Variants in MSL3 observed in about 807,000 individuals in gnomAD.
MSL3 encodes the protein MSL3-like 1.
Under a neutral mutation model 37.2 loss-of-function variants are expected in MSL3, and 5 were observed. The ratio of observed to expected loss-of-function variants is 0.13; its 90% CI spans 0.07 to 0.28. MSL3 has a LOEUF of 0.28. Ranked by LOEUF, MSL3 falls within the 10% of genes least tolerant of loss-of-function variation. The probability of loss-of-function intolerance (pLI) is 1.00; values close to 1 mark genes in which losing one functional copy is unlikely to be tolerated. For synonymous variants in MSL3, 149 were observed against 147.6 expected, an observed-to-expected ratio of 1.01 and a Z score of -0.07; for missense variants, 315 against 408.5, an observed-to-expected ratio of 0.77 and a Z score of 1.97.
At chrX:11,758,858 G>T (rs1276522184) in intron 1 of MSL3, 3 of 975,157 alleles carry the variant, frequency 3.1e-6, no homozygotes, top group Non-Finnish European at 4.2e-6. Flanking sequence ...GCCCCATCCC[G>T]CCTGTAGGCC....
chrX:11,766,636 C>T (rs1040381311), intron 9 of MSL3: 8 of 753,234 alleles, frequency 1.1e-5, no homozygotes, highest in Admixed American at 8.7e-5. Context: ...GCAGGGCCGA[C>T]GATGTCACCT....
chrX:11,759,825 A>G lies in MSL3; in HGVS notation c.135A>G (p.Lys45=), dbSNP rs1423448052. Residue 45 remains lysine, a synonymous_variant, in exon 2 of 13, where the codon AAA becomes AAG. Transcript: ENST00000312196. ...IVDVIVGKDE[K]GRKIPEYLIH... Reference sequence around the variant, plus strand: ...ATGTTATTGTTGGGAAAGACGAAAAAGGCAGAAAGATCCCAGAATATCTGA... The same window carrying G: ...ATGTTATTGTTGGGAAAGACGAAAAGGGCAGAAAGATCCCAGAATATCTGA... The G allele has an allele frequency of 3.3e-6, 4 of 1,211,138 alleles. No individual in the cohort carries two copies. The highest frequency in any genetic ancestry group is 1.8e-5 in the South Asian group (1 of 56,993).
At position 11,771,611 on chromosome X, in the gene MSL3, C is replaced by T. The variant is rs919919367; in HGVS notation, c.1282-545C>T. ...GGAGGGGAAGGGGGCCAGAGTTTCA[C>T]TCTTGTTGCCCAGGCTGGAGTGCAG... On this transcript the variant is annotated intron_variant, in intron 10 of 12. Transcript: ENST00000312196. 2.7e-5 allele frequency among the ~76,000 whole-genome samples: 3 copies of T among 112,538 alleles called. No individual in the cohort carries two copies. In the East Asian group the frequency reaches 8.3e-4, roughly 31 times the overall value.
Position 11,772,267 on chromosome X carries a change from G to A in MSL3, c.1381+12G>A. 8.7e-7 allele frequency: 1 copy of A among 1,146,480 alleles called. No homozygotes were observed. Among genetic ancestry groups the A allele is most frequent in the Non-Finnish European group, 1.2e-6 (1 of 838,305 alleles). 94.5% of individuals were successfully genotyped at this position (1,146,480 alleles called of 1,213,427 possible). On this transcript the variant is annotated intron_variant, in intron 11 of 12. Transcript: ENST00000312196. ...GCTGCGATTGTTTGGTAAGAATCCT[G>A]GTTCCTGCCTTCTTTCCATTTTTCA...
At position 11,760,449 on chromosome X, in the gene MSL3, G is replaced by C. The variant is rs376201034; in HGVS notation, c.232G>C (p.Glu78Gln). 8.3e-7 allele frequency: 1 copy of C among 1,204,366 alleles called. No homozygotes were observed. The highest frequency in any genetic ancestry group is 3.0e-5 in the East Asian group (1 of 33,594). The change falls in exon 3 of 13, where the codon GAA (glutamate) becomes CAA (glutamine). Residue 78 changes from glutamate (E) to glutamine (Q), a missense_variant. Glu to Gln is a conservative substitution (Grantham distance 29). Coordinates refer to ENST00000312196, the MANE Select transcript of MSL3 (RefSeq NM_078629.4). ...AEDHVLRDTDENRRLQRKLAR... is the reference protein window; with the variant it reads ...AEDHVLRDTDQNRRLQRKLAR... ...AGATCATGTGCTTCGTGATACCGAT[G>C]AAAATCGTAGATTACAGCGTAAATT...
chrX:11,762,896 T>C lies in MSL3; in HGVS notation c.648T>C (p.His216=). The C allele has an allele frequency of 1.7e-6, 2 of 1,210,576 alleles. No homozygotes were observed. The highest frequency in any genetic ancestry group is 3.5e-5 in the South Asian group (2 of 56,816). ...IITILESYVK[H]FAINAAFSAN... The stretch of plus-strand genomic sequence containing the variant: ...CGATTTTGGAATCCTATGTGAAGCA[T>C]TTTGCTATCAATGCAGCCTTTTCAG... The change falls in exon 7 of 13, where the codon CAT becomes CAC. Residue 216 remains histidine, a synonymous_variant. Transcript: ENST00000312196.
chrX:11,767,772 C>A, intron 9 of MSL3: 1 of 432,769 alleles, frequency 2.3e-6, no homozygotes. Flanking sequence ...TACTCATTTG[C>A]TTCTCCCTAT....
intron 10 of MSL3, 143 bp from the exon 11 acceptor site, chrX:11,772,013 C>A: frequency 2.2e-6 from 1 of 461,388 alleles, no homozygotes; most frequent in Non-Finnish European, 3.8e-6. Flanking sequence ...TGCCTTTCAT[C>A]TTTGTTTTTT....
intron 10 of MSL3, among the ~76,000 whole-genome samples, chrX:11,771,081 C>T (rs2053228561): frequency 8.9e-6 from 1 of 112,431 alleles, no homozygotes; most frequent in Non-Finnish European, 1.9e-5. Flanking sequence ...GTTCTGGATC[C>T]TTCAGGGCCA....
At chrX:11,773,568 T>C (rs1601775058) in intron 12 of MSL3, among the ~76,000 whole-genome samples, 1 of 111,979 alleles carries the variant, frequency 8.9e-6, no homozygotes, top group African/African-American at 3.3e-5. Flanking sequence ...CAACATTTTC[T>C]TGGAAACAAG....
chrX:11,765,608 G>A lies in MSL3; in HGVS notation c.1050G>A (p.Arg350=). The A allele has an allele frequency of 8.3e-7, 1 of 1,211,322 alleles. No individual in the cohort carries two copies. The highest frequency in any genetic ancestry group is 1.1e-6 in the Non-Finnish European group (1 of 895,233). Residue 350 remains arginine (R), a synonymous_variant, in exon 9 of 13, where the codon CGG becomes CGA. Coordinates refer to ENST00000312196, the MANE Select transcript of MSL3 (RefSeq NM_078629.4). The stretch of plus-strand genomic sequence containing the variant: ...CAGAAGCATTGCAGTCTCTGAGGCG[G>A]TCCACGCGCCACAGTGCCAACTGTG... ...AEPEALQSLR[R]STRHSANCDR...
rs955051753 is a variant in MSL3, at chrX:11,764,076, G to A, written c.908+138G>A. 1.1e-5 allele frequency: 6 copies of A among 556,240 alleles called. No homozygotes were observed. The South Asian group carries it at 2.2e-4, about 20-fold the overall frequency. 45.8% of individuals were successfully genotyped at this position (556,240 alleles called of 1,213,427 possible). On this transcript the variant is annotated intron_variant, in intron 8 of 12. Transcript: ENST00000312196. ...GGAAATGAAAAGTGTGTGTCCTGGT[G>A]GTTTTCTTTTTTCCTGGGTAAGCTA...
chrX:11,758,505 G>A, intron 1 of MSL3, 140 bp downstream of exon 1: 2 of 1,013,515 alleles, frequency 2.0e-6, no homozygotes, highest in East Asian at 4.0e-5. Context: ...CCGGCAGGGG[G>A]CGCTCACAGG....
chrX:11,771,351 C>T (rs141535905), intron 10 of MSL3, among the ~76,000 whole-genome samples: 3,031 of 112,016 alleles, frequency 0.027, 102 homozygotes, highest in African/African-American at 0.093. Flanking sequence ...TTAACAAAAG[C>T]CCCAGGTCCA....
At chrX:11,764,445 T>C (rs2053161709) in intron 8 of MSL3, among the ~76,000 whole-genome samples, 1 of 111,324 alleles carries the variant, frequency 9.0e-6, no homozygotes, top group African/African-American at 3.3e-5. Context: ...CTCTGCGATG[T>C]CACCACTTTT....
At chrX:11,769,281 A>G (rs2053211935) in intron 10 of MSL3, among the ~76,000 whole-genome samples, 2 of 112,372 alleles carry the variant, frequency 1.8e-5, no homozygotes, top group African/African-American at 3.2e-5. Flanking sequence ...CCCCTCCATC[A>G]TTAACAGTAA....
At chrX:11,758,606 C>T in intron 1 of MSL3, 1 of 1,139,454 alleles carries the variant, frequency 8.8e-7, no homozygotes, top group Admixed American at 2.8e-5. Flanking sequence ...GAGCCTCGCC[C>T]ATGCTTTGTC....
Position 11,760,748 on chromosome X carries a change from A to T in MSL3, c.282-89A>T, listed in dbSNP as rs150796205. On this transcript the variant is annotated intron_variant, in intron 3 of 12. Transcript: ENST00000312196. ...TAAAGTTTAATAATTTTTCAAATGT[A>T]TTTCATTGTTTATTATATCTTGTTT... 1,495 of 751,615 alleles carry T rather than the reference A, an allele frequency of 2.0e-3. 12 individuals are homozygous for T. In the African/African-American group the frequency reaches 0.028, roughly 14 times the overall value. 61.9% of individuals were successfully genotyped at this position (751,615 alleles called of 1,213,427 possible).
At chrX:11,768,426 A>G in intron 9 of MSL3, 147 bp from the exon 10 acceptor site, 1 of 424,016 alleles carries the variant, frequency 2.4e-6, no homozygotes, top group South Asian at 4.0e-5. Flanking sequence ...AATAAAATTC[A>G]GGTGCTATCT....
Sources: gnomAD v4.1 joint callset for allele counts (sites outside exome capture counted in the v4.1 genomes callset) on GRCh38, gnomAD v4.1.1 for gene constraint, MANE v1.5 for transcripts, NCBI Gene and HGNC (gene_info 2026-07-23, HGNC 2026-07-21) for gene names.